RNF144A: variants seen among roughly 807,000 people sequenced by gnomAD.
The protein encoded by RNF144A is ring finger protein 144A.
RNF144A carries 11 observed loss-of-function variants against 38.7 expected under a neutral mutation model. That is an observed-to-expected ratio of 0.28 (90% CI 0.18 to 0.47). RNF144A has a LOEUF of 0.47. RNF144A is among the 20% of genes least tolerant of loss of function. RNF144A has a pLI of 0.99. For synonymous variants in RNF144A, 149 were observed against 143.9 expected (o/e 1.04, Z -0.25); for missense variants, 316 against 377.2 (o/e 0.84, Z 1.34).
At chr2:6,955,535 C>T (rs1259793112) in intron 2 of RNF144A, among the ~76,000 whole-genome samples, 1 of 152,172 alleles carries the variant, frequency 6.6e-6, no homozygotes, top group Non-Finnish European at 1.5e-5. Flanking sequence ...ATTTCCACAA[C>T]TAAATAGAGT....
chr2:6,981,489 G>A (rs1414696286), intron 2 of RNF144A, among the ~76,000 whole-genome samples: 1 of 152,108 alleles, frequency 6.6e-6, no homozygotes, highest in Non-Finnish European at 1.5e-5. Context: ...CAATTTCAAA[G>A]TTCCACAGAT....
chr2:6,995,980 C>T (rs1669711942), intron 2 of RNF144A, among the ~76,000 whole-genome samples: 1 of 152,184 alleles, frequency 6.6e-6, no homozygotes, highest in Non-Finnish European at 1.5e-5. Flanking sequence ...TTATCAGCCC[C>T]CTCATGTGGA....
rs1422077636 is a variant in RNF144A, at chr2:7,042,367, A to G, written c.*2607A>G. 2.1e-5 allele frequency: 21 copies of G among 985,364 alleles called. No homozygotes were observed. The South Asian group carries it at 8.5e-4, about 40-fold the overall frequency. The allele number at this position is 985,364 out of a possible 1,614,324, so 61.0% of individuals were successfully genotyped here. On this transcript the variant is annotated 3_prime_UTR_variant, in exon 9 of 9. Coordinates refer to ENST00000320892, the MANE Select transcript of RNF144A (RefSeq NM_014746.6). Reference sequence around the variant, plus strand: ...GACGGACTTATTCCTGTGAAGCGGCATAATTTGTCTCCATTGAAAAATGGC... The same window carrying G: ...GACGGACTTATTCCTGTGAAGCGGCGTAATTTGTCTCCATTGAAAAATGGC...
intron 2 of RNF144A, among the ~76,000 whole-genome samples, chr2:6,985,897 A>C (rs1668929022): frequency 1.3e-5 from 2 of 152,012 alleles, no homozygotes; most frequent in Non-Finnish European, 2.9e-5. Flanking sequence ...GATGGTCTCG[A>C]TCTCCTGACC....
chr2:6,938,740 C>T (rs759929043), intron 1 of RNF144A, among the ~76,000 whole-genome samples: 3 of 152,204 alleles, frequency 2.0e-5, no homozygotes, highest in Non-Finnish European at 2.9e-5. Context: ...TTCTTATTCT[C>T]TCACTTTCCA....
At chr2:7,007,128 C>A (rs966885035) in intron 3 of RNF144A, among the ~76,000 whole-genome samples, 7 of 152,126 alleles carry the variant, frequency 4.6e-5, no homozygotes, top group African/African-American at 1.7e-4. Context: ...ACCCCAAAAC[C>A]CTCCTCAGTG....
intron 1 of RNF144A, among the ~76,000 whole-genome samples, chr2:6,940,701 C>T (rs906931476): frequency 4.6e-5 from 7 of 151,806 alleles, no homozygotes; most frequent in East Asian, 1.9e-4. Flanking sequence ...GAATGAAGAT[C>T]GAGGGACAGT....
chr2:6,988,164 C>T (rs541434314), intron 2 of RNF144A, among the ~76,000 whole-genome samples: 41 of 152,176 alleles, frequency 2.7e-4, no homozygotes, highest in Non-Finnish European at 5.4e-4. Context: ...TTAGATGGAC[C>T]GATATGGATT....
chr2:7,030,951 C>T (rs892722215), intron 8 of RNF144A, among the ~76,000 whole-genome samples: 1 of 152,040 alleles, frequency 6.6e-6, no homozygotes, highest in South Asian at 2.1e-4. Flanking sequence ...CCAGATCCCT[C>T]GCATGCGCAG....
intron 1 of RNF144A, among the ~76,000 whole-genome samples, chr2:6,935,424 C>T (rs955578626): frequency 2.0e-5 from 3 of 152,210 alleles, no homozygotes; most frequent in Non-Finnish European, 4.4e-5. Flanking sequence ...CCTCATTGGT[C>T]GCTCTTCATC....
At chr2:7,020,316 AG>A (rs1204301554) in intron 5 of RNF144A, among the ~76,000 whole-genome samples, 156 bp from the exon 6 acceptor site, 3 of 152,058 alleles carry the variant, frequency 2.0e-5, no homozygotes, top group Admixed American at 1.3e-4. Flanking sequence ...TGGAGGTGGA[AG>A]GGTGGCTTGG....
At chr2:6,929,944 A>G (rs1665099334) in intron 1 of RNF144A, among the ~76,000 whole-genome samples, 1 of 152,244 alleles carries the variant, frequency 6.6e-6, no homozygotes, top group Non-Finnish European at 1.5e-5. Flanking sequence ...ATAAATATAA[A>G]TCACGTTGGC....
At chr2:7,068,040 C>G (rs956821231) in intron 6 of RNF144A, among the ~76,000 whole-genome samples, 6 of 152,222 alleles carry the variant, frequency 3.9e-5, no homozygotes, top group Admixed American at 3.9e-4. Context: ...CACCCTGCTC[C>G]TTGGATATAA....
intron 8 of RNF144A, among the ~76,000 whole-genome samples, chr2:7,030,885 T>C (rs1672252975): frequency 6.6e-6 from 1 of 151,672 alleles, no homozygotes; most frequent in South Asian, 2.1e-4. Flanking sequence ...CTGAGGGTGA[T>C]GGGAGACTGT....
At position 6,996,924 on chromosome 2, in the gene RNF144A, G is replaced by C; in HGVS notation, c.-3G>C. ...TGCTTCTCTCGTTTCAGACTGTTCT[G>C]CGATGACCACAACAAGGTACCGGCC... On this transcript the variant is annotated 5_prime_UTR_variant, in exon 3 of 9. Coordinates refer to ENST00000320892, the MANE Select transcript of RNF144A (RefSeq NM_014746.6). 1.2e-6 allele frequency: 2 copies of C among 1,613,460 alleles called. No homozygotes were observed. Among genetic ancestry groups the C allele is most frequent in the Non-Finnish European group, 1.7e-6 (2 of 1,179,828 alleles).
intron 5 of RNF144A, among the ~76,000 whole-genome samples, chr2:7,018,210 G>T (rs1671269413): frequency 6.6e-6 from 1 of 152,230 alleles, no homozygotes; most frequent in South Asian, 2.1e-4. Flanking sequence ...TCCCTAGCAG[G>T]CAGCGCTGCC....
chr2:7,016,816 A>C (rs309311), intron 5 of RNF144A, among the ~76,000 whole-genome samples: 22 of 151,744 alleles, frequency 1.4e-4, no homozygotes, highest in African/African-American at 5.3e-4. Flanking sequence ...GAAAACTGAG[A>C]CAGTTCAATG....
chr2:6,935,426 C>G (rs1665506720), intron 1 of RNF144A, among the ~76,000 whole-genome samples: 1 of 152,234 alleles, frequency 6.6e-6, no homozygotes, highest in African/African-American at 2.4e-5. Flanking sequence ...TCATTGGTCG[C>G]TCTTCATCAC....
chr2:6,983,602 G>C (rs1364079424), intron 2 of RNF144A, among the ~76,000 whole-genome samples: 1 of 152,102 alleles, frequency 6.6e-6, no homozygotes, highest in Non-Finnish European at 1.5e-5. Context: ...CCATTACTTT[G>C]GTCCTGACCT....
Sources: gnomAD v4.1 joint callset for allele counts (sites outside exome capture counted in the v4.1 genomes callset) on GRCh38, gnomAD v4.1.1 for gene constraint, MANE v1.5 for transcripts, NCBI Gene and HGNC (gene_info 2026-07-23, HGNC 2026-07-21) for gene names.